The following TRPC6 variants were observed in gnomAD, a reference collection of about 807,000 sequenced individuals.
TRPC6 encodes the protein transient receptor potential cation channel subfamily C member 6.
A neutral mutation model predicts 90.7 loss-of-function variants in TRPC6; 55 were observed. The ratio of observed to expected loss-of-function variants is 0.61; its 90% CI spans 0.49 to 0.76. The LOEUF is 0.76. Among genes scored for constraint, TRPC6 ranks in the 30% least tolerant of loss-of-function variants. The probability of loss-of-function intolerance (pLI) is 0.00; values close to 1 mark genes in which losing one functional copy is unlikely to be tolerated. For synonymous variants in TRPC6, 393 were observed against 393.0 expected, an observed-to-expected ratio of 1.00 and a Z score of 0.00; for missense variants, 989 against 1,122.7, an observed-to-expected ratio of 0.88 and a Z score of 1.70.
intron 1 of TRPC6, among the ~76,000 whole-genome samples, chr11:101,565,715 T>C (rs147835314): frequency 4.9e-4 from 74 of 152,228 alleles, no homozygotes; most frequent in African/African-American, 1.7e-3. Context: ...TGATGAAAAC[T>C]TGCTAAATTA....
At chr11:101,583,277 G>C (rs921037041) in intron 1 of TRPC6, 57 bp downstream of exon 1, 1 of 1,528,388 alleles carries the variant, frequency 6.5e-7, no homozygotes, top group Non-Finnish European at 8.8e-7. Context: ...TCCTGCGAGC[G>C]CACAACCTCC....
intron 12 of TRPC6, 56 bp from the exon 13 acceptor site, chr11:101,453,162 A>G (rs1045102892): frequency 2.6e-6 from 4 of 1,539,244 alleles, no homozygotes; most frequent in Non-Finnish European, 3.6e-6. Context: ...CGGAAAAACT[A>G]GTGACTGTGG....
At chr11:101,520,451 G>A (rs1245531338) in intron 1 of TRPC6, among the ~76,000 whole-genome samples, 1 of 152,152 alleles carries the variant, frequency 6.6e-6, no homozygotes, top group Admixed American at 6.5e-5. Context: ...TAACAGAGAA[G>A]TACAGCATTG....
intron 1 of TRPC6, among the ~76,000 whole-genome samples, chr11:101,509,406 T>A (rs1860348692): frequency 6.6e-6 from 1 of 152,114 alleles, no homozygotes; most frequent in Admixed American, 6.5e-5. Context: ...CCTTTGTTTG[T>A]CTTTTTAAAG....
intron 1 of TRPC6, among the ~76,000 whole-genome samples, chr11:101,560,797 G>T (rs1288425793): frequency 6.6e-6 from 1 of 152,112 alleles, no homozygotes; most frequent in Non-Finnish European, 1.5e-5. Flanking sequence ...TCTAGGCAGA[G>T]AACAGTGTAG....
At position 101,560,217 on chromosome 11, in the gene TRPC6, G is replaced by A. The variant is rs139177914; in HGVS notation, c.170+23117C>T. On this transcript the variant is annotated intron_variant, in intron 1 of 12. Transcript: ENST00000344327. ...AAATGATTAGTCTGTGGGTGAGCCC[G>A]TTATATACTTCTTTTGGACCATTTA... 4.3e-3 allele frequency among the ~76,000 whole-genome samples: 652 copies of A among 151,930 alleles called. 6 individuals carry two copies. The highest frequency in any genetic ancestry group is 0.031 in the Middle Eastern group (9 of 294).
intron 1 of TRPC6, among the ~76,000 whole-genome samples, chr11:101,543,683 G>A (rs1186327296): frequency 6.6e-6 from 1 of 152,156 alleles, no homozygotes. Flanking sequence ...CTAGCCATAT[G>A]CAGAAAGCTG....
chr11:101,567,916 C>T (rs1377474978), intron 1 of TRPC6, among the ~76,000 whole-genome samples: 1 of 152,140 alleles, frequency 6.6e-6, no homozygotes, highest in Non-Finnish European at 1.5e-5. Flanking sequence ...TGGGGAGAAA[C>T]CAGCGCAAAA....
At chr11:101,548,250 C>CATATATATATATATATATATATAT (rs1491446189) in intron 1 of TRPC6, among the ~76,000 whole-genome samples, 6 of 56,144 alleles carry the variant, frequency 1.1e-4, no homozygotes, top group African/African-American at 5.1e-4. Context: ...AGAACTAGAT[C>CATATATATATATATATATATATAT]ATATATATAT....
chr11:101,554,840 T>C (rs1861525871), intron 1 of TRPC6, among the ~76,000 whole-genome samples: 1 of 152,146 alleles, frequency 6.6e-6, no homozygotes, highest in South Asian at 2.1e-4. Context: ...CCCAGCCCTA[T>C]TTCCTTGCCC....
chr11:101,494,941 A>G (rs1859909368), intron 2 of TRPC6, among the ~76,000 whole-genome samples: 1 of 152,226 alleles, frequency 6.6e-6, no homozygotes, highest in Non-Finnish European at 1.5e-5. Context: ...TGACATTACT[A>G]TTAACTCATA....
chr11:101,487,204 T>C (rs1407067630), intron 4 of TRPC6, among the ~76,000 whole-genome samples: 2 of 152,050 alleles, frequency 1.3e-5, no homozygotes. Flanking sequence ...AATTATTCAG[T>C]TTAGGAAAGA....
At chr11:101,560,298 T>TA (rs531212216) in intron 1 of TRPC6, among the ~76,000 whole-genome samples, 36,440 of 147,414 alleles carry the variant, frequency 0.25, 4,682 homozygotes, top group Middle Eastern at 0.34. Context: ...GGCTTCTCTT[T>TA]AAAAAAAAAA....
At chr11:101,582,789 T>C (rs991539565) in intron 1 of TRPC6, among the ~76,000 whole-genome samples, 5 of 151,848 alleles carry the variant, frequency 3.3e-5, no homozygotes, top group Non-Finnish European at 5.9e-5. Context: ...GAGGTCCTGG[T>C]CTAACTTTGG....
chr11:101,543,841 A>T (rs558562853), intron 1 of TRPC6, among the ~76,000 whole-genome samples: 1 of 152,216 alleles, frequency 6.6e-6, no homozygotes, highest in Non-Finnish European at 1.5e-5. Flanking sequence ...CTTCATGACT[A>T]AAACACCAAA....
In TRPC6 at chr11:101,521,052, G is replaced by A. The variant is rs1860647331; in HGVS notation, c.171-16254C>T. 3.3e-5 allele frequency among the ~76,000 whole-genome samples: 5 copies of A among 152,166 alleles called. No homozygotes were observed. In the South Asian group the frequency reaches 1.0e-3, roughly 32 times the overall value. On this transcript the variant is annotated intron_variant, in intron 1 of 12. Transcript: ENST00000344327. ...GAAAAGAAAAACCCATTTTTCAGGA[G>A]AGGAATTAAAGCTGGCTGCAGAAAT...
chr11:101,539,124 CT>C (rs1565234742), intron 1 of TRPC6, among the ~76,000 whole-genome samples: 1 of 152,116 alleles, frequency 6.6e-6, no homozygotes. Flanking sequence ...AACACATCCA[CT>C]TTCATTTGAA....
At chr11:101,486,966 T>C (rs117358045) in intron 4 of TRPC6, among the ~76,000 whole-genome samples, 10 of 152,280 alleles carry the variant, frequency 6.6e-5, no homozygotes, top group Non-Finnish European at 1.5e-4. Context: ...GACAATGTCC[T>C]TTTAATTTGA....
At chr11:101,578,100 G>A (rs2136900517) in intron 1 of TRPC6, among the ~76,000 whole-genome samples, 1 of 152,296 alleles carries the variant, frequency 6.6e-6, no homozygotes, top group African/African-American at 2.4e-5. Context: ...CCTTCTCTCT[G>A]CTAGGCACTG....
Sources: allele counts gnomAD v4.1 joint callset (sites outside exome capture counted in the v4.1 genomes callset), GRCh38; gene constraint gnomAD v4.1.1; transcripts MANE v1.5; gene names NCBI Gene and HGNC (gene_info 2026-07-23, HGNC 2026-07-21).